The following DERA variants were observed in gnomAD, a reference collection of about 807,000 sequenced individuals.
DERA encodes the protein deoxyribose-phosphate aldolase, also known as 2-deoxy-D-ribose 5-phosphate aldolase.
Under a neutral mutation model 41.1 loss-of-function variants are expected in DERA, and 15 were observed. The ratio of observed to expected loss-of-function variants is 0.37; its 90% CI spans 0.24 to 0.56. The LOEUF (loss-of-function observed/expected upper bound fraction) is 0.56, where lower values mean the gene tolerates loss of function less well. Ranked by LOEUF, DERA falls within the 20% of genes least tolerant of loss-of-function variation. The pLI, the probability that DERA is intolerant of heterozygous loss-of-function variation, is 0.81. For synonymous variants in DERA, 139 were observed against 137.4 expected (o/e 1.01, Z -0.08); for missense variants, 396 against 403.4 (o/e 0.98, Z 0.16).
In DERA at chr12:15,943,907, T is replaced by G. The variant is rs1263718204; in HGVS notation, c.32-13029T>G. 1.7e-5 allele frequency among the ~76,000 whole-genome samples: 2 copies of G among 117,804 alleles called. No individual in the cohort carries two copies. Among genetic ancestry groups the G allele is most frequent in the African/African-American group, 6.5e-5 (2 of 30,858 alleles). The allele number at this position is 117,804 out of a possible 152,430, so 77.3% of individuals were successfully genotyped here. On this transcript the variant is annotated intron_variant, in intron 1 of 8. Transcript: ENST00000428559. The surrounding 1 kb of genome is among the most constrained non-coding windows in gnomAD (Gnocchi z 4.5). The stretch of plus-strand genomic sequence containing the variant: ...CCCCACCCCACGACAGACCCTGGTG[T>G]GTGATGTTCCCCTTCCTGTGTCCAA...
rs1262375926 is a variant in DERA at position 15,931,373 on chromosome 12, A to G, written c.31+19959A>G. On this transcript the variant is annotated intron_variant, in intron 1 of 8. Transcript: ENST00000428559. This position sits in a 1 kb window ranked among gnomAD's most constrained non-coding sequence, Gnocchi z 4.6. ...TTCTCTGAAGCGCTTGGTTCCTAGA[A>G]TAATTGATTAAATCTTTTCAAAGCA... 6.6e-6 allele frequency among the ~76,000 whole-genome samples: 1 copy of G among 152,212 alleles called. No individual in the cohort carries two copies. The highest frequency in any genetic ancestry group is 2.4e-5 in the African/African-American group (1 of 41,464).
At position 16,013,200 on chromosome 12, in the gene DERA, A is replaced by T. The variant is rs1004626390; in HGVS notation, c.638-19342A>T. On this transcript the variant is annotated intron_variant, in intron 6 of 8. Coordinates refer to ENST00000428559, the MANE Select transcript of DERA (RefSeq NM_015954.4). The surrounding 1 kb of genome is among the most constrained non-coding windows in gnomAD (Gnocchi z 5.8). Reference sequence around the variant, plus strand: ...AAGAACCATAATTATGAATGTGTTGAAGTATTTTTCTTCAGTAGTAATGCT... The same window carrying T: ...AAGAACCATAATTATGAATGTGTTGTAGTATTTTTCTTCAGTAGTAATGCT... Among the ~76,000 whole-genome samples the T allele has an allele frequency of 9.2e-5, 14 of 152,170 alleles. No individual in the cohort carries two copies. The highest frequency in any genetic ancestry group is 3.4e-4 in the African/African-American group (14 of 41,434).
Position 15,913,089 on chromosome 12 carries a change from C to T in DERA, c.31+1675C>T, listed in dbSNP as rs1228837710. On this transcript the variant is annotated intron_variant, in intron 1 of 8. Transcript: ENST00000428559. The surrounding 1 kb of genome is among the most constrained non-coding windows in gnomAD (Gnocchi z 4.5). ...GACTATGCATACATCAAGGATGTGC[C>T]CTAAATTTCCCAAAACTTAGACATT... Among the ~76,000 whole-genome samples the T allele has an allele frequency of 2.0e-5, 3 of 151,992 alleles. No individual in the cohort carries two copies. The highest frequency in any genetic ancestry group is 6.6e-5 in the Admixed American group (1 of 15,258).
rs1414921876 is a variant in DERA at position 15,959,953 on chromosome 12, T to C, written c.373+29T>C. 49 of 1,491,386 alleles carry C rather than the reference T, an allele frequency of 3.3e-5. No individual in the cohort carries two copies. Among genetic ancestry groups the C allele is most frequent in the Non-Finnish European group, 4.4e-5 (48 of 1,096,528 alleles). 92.4% of individuals were successfully genotyped at this position (1,491,386 alleles called of 1,614,324 possible). A position where few individuals can be genotyped will look rare whatever the true frequency, so the allele number is the denominator to read the frequency against. ...AAATGTGTTGTGGCTTTTGTTGTTATTTTTTAAACATGTTTCCAGTTCTTC... is the reference window on the plus strand; with the variant it reads ...AAATGTGTTGTGGCTTTTGTTGTTACTTTTTAAACATGTTTCCAGTTCTTC... On this transcript the variant is annotated intron_variant, in intron 4 of 8. Coordinates refer to ENST00000428559, the MANE Select transcript of DERA (RefSeq NM_015954.4). This position sits in a 1 kb window ranked among gnomAD's most constrained non-coding sequence, Gnocchi z 4.5.
intron 6 of DERA, among the ~76,000 whole-genome samples, chr12:16,030,064 A>G (rs181416286): frequency 2.7e-5 from 4 of 149,902 alleles, no homozygotes; most frequent in Non-Finnish European, 3.0e-5. Context: ...CTGGGACTAC[A>G]GGCACCCACC....
At position 15,954,368 on chromosome 12, in the gene DERA, G is replaced by A. The variant is rs1948521643; in HGVS notation, c.32-2568G>A. ...TGGACACATCAGTGGCATTCTGAGT[G>A]AAGGGGATGTACTAAAGGTGGAATG... On this transcript the variant is annotated intron_variant, in intron 1 of 8. Coordinates refer to ENST00000428559, the MANE Select transcript of DERA (RefSeq NM_015954.4). The surrounding 1 kb of genome is among the most constrained non-coding windows in gnomAD (Gnocchi z 4.0). Among the ~76,000 whole-genome samples, 1 of 152,184 alleles carries A rather than the reference G, an allele frequency of 6.6e-6. No individual in the cohort carries two copies. Among genetic ancestry groups the A allele is most frequent in the Non-Finnish European group, 1.5e-5 (1 of 68,030 alleles).
Position 16,020,712 on chromosome 12 carries a change from C to G in DERA, c.638-11830C>G, listed in dbSNP as rs1484560231. 6.6e-6 allele frequency among the ~76,000 whole-genome samples: 1 copy of G among 152,122 alleles called. No individual in the cohort carries two copies. The highest frequency in any genetic ancestry group is 1.5e-5 in the Non-Finnish European group (1 of 68,032). ...GAGAAAATGCTGACAGAAATATAGA[C>G]AATGAAGTCAAGGCTGAGGAGGTCT... On this transcript the variant is annotated intron_variant, in intron 6 of 8. Transcript: ENST00000428559. The surrounding 1 kb of genome is among the most constrained non-coding windows in gnomAD (Gnocchi z 5.5).
Position 16,023,025 on chromosome 12 carries a change from A to G in DERA, c.638-9517A>G, listed in dbSNP as rs139613932. 1.5e-3 allele frequency among the ~76,000 whole-genome samples: 226 copies of G among 152,316 alleles called. 2 individuals are homozygous for G. Among genetic ancestry groups the G allele is most frequent in the African/African-American group, 5.4e-3 (223 of 41,566 alleles). On this transcript the variant is annotated intron_variant, in intron 6 of 8. Coordinates refer to ENST00000428559, the MANE Select transcript of DERA (RefSeq NM_015954.4). ...GTCTTTTCCCGCTTGAGAGAAGGGC[A>G]TTTCCTCTCTAGTCTTTCTGTCTCA... is the stretch of plus-strand genomic sequence containing the variant.
chr12:15,912,024 T>C (rs974855349), intron 1 of DERA, among the ~76,000 whole-genome samples: 19 of 152,072 alleles, frequency 1.2e-4, no homozygotes, highest in Admixed American at 3.9e-4. Context: ...AGATTTCTTT[T>C]TTTTTTTTTT....
intron 1 of DERA, among the ~76,000 whole-genome samples, chr12:15,949,554 A>T (rs1022908646): frequency 1.3e-5 from 2 of 152,188 alleles, no homozygotes; most frequent in African/African-American, 4.8e-5. Context: ...CGAAAAGCAC[A>T]GTGTTAGGGT....
intron 5 of DERA, among the ~76,000 whole-genome samples, chr12:15,973,765 T>C (rs1050427545): frequency 1.3e-5 from 2 of 152,066 alleles, no homozygotes; most frequent in Non-Finnish European, 2.9e-5. Flanking sequence ...CAAGGATATA[T>C]TGAAGGAAAA....
rs1314519473 is a variant in DERA, at chr12:15,989,040, A to G, written c.637+6604A>G. Among the ~76,000 whole-genome samples, 1 of 152,176 alleles carries G rather than the reference A, an allele frequency of 6.6e-6. No individual in the cohort carries two copies. The highest frequency in any genetic ancestry group is 2.4e-5 in the African/African-American group (1 of 41,446). ...GAGTAGGGAGAGGCCAGGGAGTGGGACCAGGTACTTCTGAGCCTGCAGGGG... is the reference window on the plus strand; with the variant it reads ...GAGTAGGGAGAGGCCAGGGAGTGGGGCCAGGTACTTCTGAGCCTGCAGGGG... On this transcript the variant is annotated intron_variant, in intron 6 of 8. Transcript: ENST00000428559. This position sits in a 1 kb window ranked among gnomAD's most constrained non-coding sequence, Gnocchi z 5.2.
chr12:15,940,510 C>T lies in DERA; in HGVS notation c.32-16426C>T, dbSNP rs1287811078. On this transcript the variant is annotated intron_variant, in intron 1 of 8. Transcript: ENST00000428559. The surrounding 1 kb of genome is among the most constrained non-coding windows in gnomAD (Gnocchi z 5.1). ...GGGACTACAGGCGCATGCCACCACA[C>T]CTGGCTGATTTTTTGTATTTGTAGT... is the stretch of plus-strand genomic sequence containing the variant. Among the ~76,000 whole-genome samples the T allele has an allele frequency of 1.3e-5, 2 of 152,088 alleles. No individual in the cohort carries two copies. Among genetic ancestry groups the T allele is most frequent in the Non-Finnish European group, 2.9e-5 (2 of 68,016 alleles).
intron 1 of DERA, among the ~76,000 whole-genome samples, chr12:15,919,259 A>ATT (rs1049360315): frequency 5.4e-5 from 8 of 146,876 alleles, no homozygotes; most frequent in African/African-American, 2.0e-4. Flanking sequence ...GTTAAAAAAC[A>ATT]TTTTTTTTTT....
intron 1 of DERA, among the ~76,000 whole-genome samples, chr12:15,950,164 A>C (rs1319520491): frequency 6.6e-6 from 1 of 152,248 alleles, no homozygotes; most frequent in Non-Finnish European, 1.5e-5. Flanking sequence ...GTAAAGTGAA[A>C]GCAAGTTTAT....
At chr12:15,979,463 G>A (rs1289828809) in intron 5 of DERA, among the ~76,000 whole-genome samples, 2 of 152,196 alleles carry the variant, frequency 1.3e-5, no homozygotes, top group Non-Finnish European at 2.9e-5. Context: ...AAAGGCCTGA[G>A]TAGAAGCAAT....
chr12:15,955,759 G>A (rs1289288397), intron 1 of DERA, among the ~76,000 whole-genome samples: 1 of 152,162 alleles, frequency 6.6e-6, no homozygotes, highest in Non-Finnish European at 1.5e-5. Context: ...AATGTCATCT[G>A]TAAACATTAG....
At position 15,990,855 on chromosome 12, in the gene DERA, C is replaced by T. The variant is rs1017181009; in HGVS notation, c.637+8419C>T. ...ACCACATTTTATTTATCCAGTCTAT[C>T]ATTGATGGACATTTACATTGATTCC... is the stretch of plus-strand genomic sequence containing the variant. On this transcript the variant is annotated intron_variant, in intron 6 of 8. Transcript: ENST00000428559. The surrounding 1 kb of genome is among the most constrained non-coding windows in gnomAD (Gnocchi z 4.3). Among the ~76,000 whole-genome samples the T allele has an allele frequency of 5.9e-5, 9 of 152,206 alleles. No homozygotes were observed. Among genetic ancestry groups the T allele is most frequent in the African/African-American group, 2.2e-4 (9 of 41,528 alleles).
chr12:15,977,880 A>T (rs560154261), intron 5 of DERA, among the ~76,000 whole-genome samples: 16 of 152,250 alleles, frequency 1.1e-4, no homozygotes, highest in African/African-American at 3.9e-4. Flanking sequence ...AACGTAGGGG[A>T]TTTCTCATCC....
Sources: gnomAD v4.1 joint callset for allele counts (sites outside exome capture counted in the v4.1 genomes callset) on GRCh38, gnomAD v4.1.1 for gene constraint, Gnocchi (gnomAD v3.1) non-coding constraint, MANE v1.5 for transcripts, NCBI Gene and HGNC (gene_info 2026-07-23, HGNC 2026-07-21) for gene names.